DNM3: variants seen among roughly 807,000 people sequenced by gnomAD.
DNM3 encodes dynamin-3.
DNM3 carries 47 observed loss-of-function variants against 101.6 expected under a neutral mutation model. The ratio of observed to expected loss-of-function variants is 0.46; its 90% CI spans 0.37 to 0.59. The LOEUF (loss-of-function observed/expected upper bound fraction) is 0.59. Ranked by LOEUF, DNM3 falls within the 20% of genes least tolerant of loss-of-function variation. DNM3 has a pLI of 0.00. For synonymous variants in DNM3, 385 were observed against 387.9 expected (o/e 0.99, Z 0.09); for missense variants, 849 against 1,085.7 (o/e 0.78, Z 3.06).
intron 20 of DNM3, among the ~76,000 whole-genome samples, chr1:172,403,152 C>T (rs1402768438): frequency 6.6e-6 from 1 of 152,156 alleles, no homozygotes; most frequent in African/African-American, 2.4e-5. Context: ...GTCATGAGAC[C>T]TTAGTGCAAG....
chr1:172,096,639 T>G (rs1463599091), intron 13 of DNM3, among the ~76,000 whole-genome samples: 1 of 152,172 alleles, frequency 6.6e-6, no homozygotes, highest in Non-Finnish European at 1.5e-5. Context: ...AAAGTCAGAT[T>G]GGGATCCAGA....
At chr1:171,859,723 T>G (rs1426691524) in intron 1 of DNM3, among the ~76,000 whole-genome samples, 1 of 152,116 alleles carries the variant, frequency 6.6e-6, no homozygotes, top group Admixed American at 6.5e-5. Flanking sequence ...TCAGTATGGA[T>G]GCCATGACAG....
chr1:171,997,196 A>G (rs1002677750), intron 4 of DNM3, among the ~76,000 whole-genome samples: 1 of 152,182 alleles, frequency 6.6e-6, no homozygotes, highest in African/African-American at 2.4e-5. Context: ...GTTATATTTC[A>G]TAATTCAAAC....
intron 1 of DNM3, among the ~76,000 whole-genome samples, chr1:171,880,063 T>A (rs758144141): frequency 1.3e-5 from 2 of 152,220 alleles, no homozygotes; most frequent in Non-Finnish European, 2.9e-5. Context: ...GTTTTTAGTT[T>A]TCTGGCATCT....
chr1:172,027,617 C>CACACACACAGAGAG (rs34981346), intron 4 of DNM3, among the ~76,000 whole-genome samples: 4 of 147,022 alleles, frequency 2.7e-5, no homozygotes, highest in African/African-American at 1.0e-4. Context: ...CACACACACA[C>CACACACACAGAGAG]AGAGAGAGAG....
rs762944095 is a variant in DNM3 at position 172,048,703 on chromosome 1, C to A, written c.1288C>A (p.Leu430Met). 1.7e-5 allele frequency: 28 copies of A among 1,613,322 alleles called. No homozygotes were observed. The highest frequency in any genetic ancestry group is 2.2e-5 in the Non-Finnish European group (26 of 1,179,626). Residue 430 changes from leucine (L) to methionine (M), a missense_variant, in exon 10 of 21, where the codon CTG (leucine) becomes ATG (methionine). Around this residue, in one of 5 missense-constraint regions of DNM3, gnomAD observed 193 missense variants for 238.4 expected, o/e 0.81. Transcript: ENST00000627582. ...AGGGCCTTCCTTGAAGAGTGTGGAT[C>A]TGGTAATACAAGAATTAATCAACAC... The part of the protein sequence containing the change: ...LKGPSLKSVD[L>M]VIQELINTVK...
At chr1:172,098,534 G>A (rs2054408013) in intron 13 of DNM3, among the ~76,000 whole-genome samples, 1 of 152,146 alleles carries the variant, frequency 6.6e-6, no homozygotes, top group African/African-American at 2.4e-5. Context: ...GTCCTGAGGT[G>A]ACATACATCC....
At chr1:171,949,497 C>T (rs889491829) in intron 2 of DNM3, among the ~76,000 whole-genome samples, 2 of 152,160 alleles carry the variant, frequency 1.3e-5, no homozygotes, top group East Asian at 3.8e-4. Context: ...GTAGCCTGGA[C>T]TTCCCAAGCT....
intron 4 of DNM3, among the ~76,000 whole-genome samples, chr1:172,020,901 G>A (rs766906070): frequency 6.6e-6 from 1 of 152,108 alleles, no homozygotes; most frequent in Non-Finnish European, 1.5e-5. Context: ...GAGCCTTCAA[G>A]CGATTCATGG....
At chr1:172,019,282 A>T (rs901705995) in intron 4 of DNM3, among the ~76,000 whole-genome samples, 2 of 151,856 alleles carry the variant, frequency 1.3e-5, no homozygotes, top group Non-Finnish European at 2.9e-5. Flanking sequence ...TGCAGGGTAC[A>T]GAATTCTAAG....
At chr1:172,179,022 G>T (rs556219713) in intron 14 of DNM3, among the ~76,000 whole-genome samples, 1 of 152,124 alleles carries the variant, frequency 6.6e-6, no homozygotes, top group South Asian at 2.1e-4. Flanking sequence ...AGCCAGGGCG[G>T]TGATAGTAGT....
At chr1:172,328,020 A>AGG (rs2066011281) in intron 17 of DNM3, among the ~76,000 whole-genome samples, 1 of 152,172 alleles carries the variant, frequency 6.6e-6, no homozygotes, top group Admixed American at 6.6e-5. Flanking sequence ...CTAGAAGCAA[A>AGG]TTGGAATCTA....
chr1:172,234,795 A>G (rs1351178311), intron 14 of DNM3, among the ~76,000 whole-genome samples: 1 of 152,214 alleles, frequency 6.6e-6, no homozygotes, highest in Non-Finnish European at 1.5e-5. Context: ...CTGGCTAGCC[A>G]TATGTAGAAA....
intron 14 of DNM3, among the ~76,000 whole-genome samples, chr1:172,233,077 C>CA: frequency 6.6e-6 from 1 of 152,056 alleles, no homozygotes; most frequent in East Asian, 1.9e-4. Flanking sequence ...AAAAACCCTT[C>CA]AAAAAATCAG....
chr1:172,068,322 C>G (rs2051863778), intron 10 of DNM3, among the ~76,000 whole-genome samples: 2 of 152,028 alleles, frequency 1.3e-5, no homozygotes, highest in Non-Finnish European at 2.9e-5. Flanking sequence ...GAGCAAAACT[C>G]TGTCTCAAAA....
At chr1:172,063,112 C>A (rs1304917148) in intron 10 of DNM3, among the ~76,000 whole-genome samples, 1 of 152,110 alleles carries the variant, frequency 6.6e-6, no homozygotes, top group Non-Finnish European at 1.5e-5. Context: ...TTTAGGTCAG[C>A]CAAATCAATC....
chr1:172,257,637 A>G (rs1003878284), intron 15 of DNM3, among the ~76,000 whole-genome samples: 2 of 152,148 alleles, frequency 1.3e-5, no homozygotes, highest in Non-Finnish European at 2.9e-5. Flanking sequence ...TATTACACGC[A>G]TAGCATATGT....
intron 1 of DNM3, among the ~76,000 whole-genome samples, chr1:171,854,475 T>C (rs376661095): frequency 4.0e-4 from 61 of 152,296 alleles, no homozygotes; most frequent in African/African-American, 1.4e-3. Flanking sequence ...TTCTGGATGA[T>C]CAAAGGAAAA....
chr1:172,413,475 C>T (rs1344629464), downstream of DNM3, among the ~76,000 whole-genome samples: 1 of 152,192 alleles, frequency 6.6e-6, no homozygotes, highest in African/African-American at 2.4e-5. Context: ...GATCTGCCCG[C>T]CTCGGCTTCC....
Sources: gnomAD v4.1 joint callset for allele counts (sites outside exome capture counted in the v4.1 genomes callset) on GRCh38, gnomAD v4.1.1 for gene constraint, gnomAD v4.1.1 regional missense constraint, MANE v1.5 for transcripts, NCBI Gene and HGNC (gene_info 2026-07-23, HGNC 2026-07-21) for gene names.